The following BCO2 variants were observed in gnomAD, a reference collection of about 807,000 sequenced individuals.
BCO2 encodes beta-carotene oxygenase 2, also known as carotenoid-cleaving dioxygenase, mitochondrial.
Under a neutral mutation model 65.8 loss-of-function variants are expected in BCO2, and 56 were observed. That is an observed-to-expected ratio of 0.85 (90% CI 0.69 to 1.06). BCO2 has a LOEUF of 1.06. Among genes scored for constraint, BCO2 ranks in the 50% least tolerant of loss-of-function variants. The pLI is 0.00. For synonymous variants in BCO2, 233 were observed against 242.3 expected, an observed-to-expected ratio of 0.96 and a Z score of 0.36; for missense variants, 675 against 698.5, an observed-to-expected ratio of 0.97 and a Z score of 0.38.
At chr11:112,188,757 CT>C (rs5794781) in intron 2 of BCO2, among the ~76,000 whole-genome samples, 17 of 147,478 alleles carry the variant, frequency 1.2e-4, no homozygotes, top group Middle Eastern at 3.4e-3. Context: ...GCATAAATAG[CT>C]TTTTTTTTTT....
At chr11:112,186,914 C>T (rs1331088712) in intron 2 of BCO2, among the ~76,000 whole-genome samples, 4 of 152,206 alleles carry the variant, frequency 2.6e-5, no homozygotes, top group African/African-American at 9.6e-5. Flanking sequence ...CCTTTAGTCT[C>T]TACCATTCTC....
chr11:112,190,045 G>C (rs1398860032), intron 2 of BCO2, among the ~76,000 whole-genome samples: 1 of 152,152 alleles, frequency 6.6e-6, no homozygotes, highest in Non-Finnish European at 1.5e-5. Flanking sequence ...CAGCACTTTG[G>C]GATGCTGAGG....
At chr11:112,188,815 A>C in intron 2 of BCO2, among the ~76,000 whole-genome samples, 1 of 145,144 alleles carries the variant, frequency 6.9e-6, no homozygotes, top group African/African-American at 2.6e-5. Context: ...TCCATTATTT[A>C]TGTGCCTGTA....
intron 2 of BCO2, chr11:112,180,824 G>A (rs1266614294): frequency 2.8e-6 from 3 of 1,055,430 alleles, no homozygotes; most frequent in Non-Finnish European, 4.5e-6. Flanking sequence ...CGGAAAGGTA[G>A]TTGTTGTATA....
At chr11:112,208,125 A>C (rs1214082724) in intron 8 of BCO2, among the ~76,000 whole-genome samples, 1 of 151,872 alleles carries the variant, frequency 6.6e-6, no homozygotes, top group Non-Finnish European at 1.5e-5. Context: ...ATTCCTGGCT[A>C]ATTTTCATAT....
intron 2 of BCO2, chr11:112,180,930 T>C (rs1291634924): frequency 2.7e-6 from 3 of 1,120,772 alleles, no homozygotes; most frequent in Non-Finnish European, 4.1e-6. Context: ...ATTGATGATA[T>C]TGCTTTGAAC....
rs1357981210 is a variant in BCO2 at position 112,214,710 on chromosome 11, A to G, written c.1333-52A>G. On this transcript the variant is annotated intron_variant, in intron 9 of 11. Transcript: ENST00000357685. ...GAGGCTCCTCACTGACCTACATAAG[A>G]GGAAAATAAGAATTAAGCAACCACT... 13 of 1,513,510 alleles carry G rather than the reference A, an allele frequency of 8.6e-6. No individual in the cohort carries two copies. In the East Asian group the frequency reaches 9.0e-5, roughly 11 times the overall value. The allele number at this position is 1,513,510 out of a possible 1,614,324, so 93.8% of individuals were successfully genotyped here.
intron 2 of BCO2, chr11:112,181,007 C>G (rs931339565): frequency 3.3e-5 from 46 of 1,412,652 alleles, no homozygotes; most frequent in Non-Finnish European, 4.2e-5. Context: ...AGATTCTAAG[C>G]CTCCTGAAGG....
At chr11:112,180,508 C>T (rs1437913087) in intron 2 of BCO2, among the ~76,000 whole-genome samples, 1 of 152,146 alleles carries the variant, frequency 6.6e-6, no homozygotes, top group Non-Finnish European at 1.5e-5. Context: ...GTGGTCTGCA[C>T]CTGAATAGCA....
Position 112,196,254 on chromosome 11 carries a change from CT to C in BCO2, c.736+1511del, listed in dbSNP as rs769379534. Reference sequence around the variant, plus strand: ...CTAATCCCAACGAACACTGAATCTACTTTTTTTTTTTTCTTCACTTGATTAT... The same window carrying C: ...CTAATCCCAACGAACACTGAATCTACTTTTTTTTTTTCTTCACTTGATTAT... On this transcript the variant is annotated intron_variant, in intron 5 of 11. Coordinates refer to ENST00000357685, the MANE Select transcript of BCO2 (RefSeq NM_031938.7). 9.2e-3 allele frequency among the ~76,000 whole-genome samples: 1,356 copies of C among 147,288 alleles called. 9 individuals carry two copies. Among genetic ancestry groups the C allele is most frequent in the Middle Eastern group, 0.014 (4 of 278 alleles).
intron 1 of BCO2, among the ~76,000 whole-genome samples, chr11:112,177,666 T>A (rs1866920499): frequency 6.6e-6 from 1 of 152,230 alleles, no homozygotes; most frequent in South Asian, 2.1e-4. Context: ...ACTCATTTAT[T>A]ACTTATAGCC....
chr11:112,192,925 GTTTTTT>G (rs71060229), intron 2 of BCO2, among the ~76,000 whole-genome samples: 1 of 36,670 alleles, frequency 2.7e-5, no homozygotes, highest in Non-Finnish European at 4.7e-5. Flanking sequence ...AAAATGTGAG[GTTTTTT>G]TTTTTTTTTT....
At chr11:112,214,441 G>A (rs879312206) in intron 9 of BCO2, among the ~76,000 whole-genome samples, 12 of 151,844 alleles carry the variant, frequency 7.9e-5, no homozygotes, top group Non-Finnish European at 1.6e-4. Flanking sequence ...GAGCCACCGC[G>A]TCCAGCTGCA....
intron 11 of BCO2, among the ~76,000 whole-genome samples, chr11:112,217,352 T>TTC (rs926712618): frequency 1.3e-5 from 2 of 151,996 alleles, no homozygotes; most frequent in Non-Finnish European, 2.9e-5. Context: ...TGCTCTTTCT[T>TTC]TCTCTCTCTC....
At chr11:112,206,784 G>A (rs146964885) in intron 8 of BCO2, among the ~76,000 whole-genome samples, 44 of 152,270 alleles carry the variant, frequency 2.9e-4, no homozygotes, top group African/African-American at 1.0e-3. Context: ...TATTGCAACT[G>A]TAGATCAATT....
chr11:112,186,874 A>G (rs966421911), intron 2 of BCO2, among the ~76,000 whole-genome samples: 1 of 152,166 alleles, frequency 6.6e-6, no homozygotes, highest in Non-Finnish European at 1.5e-5. Context: ...AGTTACATGA[A>G]TCTGGGCAGA....
intron 8 of BCO2, among the ~76,000 whole-genome samples, chr11:112,204,182 G>C (rs914341905): frequency 6.6e-6 from 1 of 152,064 alleles, no homozygotes; most frequent in African/African-American, 2.4e-5. Context: ...TCTGTGTCTG[G>C]ATGTTTCACT....
chr11:112,182,453 A>G (rs554419357), intron 2 of BCO2, among the ~76,000 whole-genome samples: 3 of 152,336 alleles, frequency 2.0e-5, no homozygotes, highest in African/African-American at 7.2e-5. Context: ...AACCAACCCA[A>G]ATGTCCATCA....
At chr11:112,185,883 C>G (rs1466142161) in intron 2 of BCO2, among the ~76,000 whole-genome samples, 1 of 152,152 alleles carries the variant, frequency 6.6e-6, no homozygotes, top group Non-Finnish European at 1.5e-5. Flanking sequence ...TTTTACCTTG[C>G]AAAACTGAAA....
Sources: allele counts gnomAD v4.1 joint callset (sites outside exome capture counted in the v4.1 genomes callset), GRCh38; gene constraint gnomAD v4.1.1; transcripts MANE v1.5; gene names NCBI Gene and HGNC (gene_info 2026-07-23, HGNC 2026-07-21).